Variants in TFEB observed in about 807,000 individuals in gnomAD.
TFEB encodes transcription factor EB.
A neutral mutation model predicts 48.0 loss-of-function variants in TFEB; 12 were observed. The observed-to-expected ratio is 0.25, with a 90% CI of 0.16 to 0.40. TFEB has a LOEUF of 0.40. Ranked by LOEUF, TFEB falls within the 10% of genes least tolerant of loss-of-function variation. The pLI, the probability that TFEB is intolerant of heterozygous loss-of-function variation, is 1.00. For synonymous variants in TFEB, 244 were observed against 261.4 expected (o/e 0.93, Z 0.64); for missense variants, 509 against 640.3 (o/e 0.79, Z 2.21).
intron 1 of TFEB, among the ~76,000 whole-genome samples, chr6:41,716,873 C>T (rs1361412738): frequency 2.0e-5 from 3 of 152,196 alleles, no homozygotes; most frequent in Admixed American, 2.0e-4. Flanking sequence ...ACTCAGAGTC[C>T]CCCACAGCTA....
At chr6:41,699,290 C>A (rs1259004309) in intron 1 of TFEB, among the ~76,000 whole-genome samples, 1 of 152,216 alleles carries the variant, frequency 6.6e-6, no homozygotes, top group African/African-American at 2.4e-5. Flanking sequence ...AGTGTTGCTC[C>A]GTCCAGGCCC....
upstream of TFEB, among the ~76,000 whole-genome samples, chr6:41,735,769 TCTTGA>T (rs1168864965): frequency 6.6e-6 from 1 of 152,222 alleles, no homozygotes; most frequent in Non-Finnish European, 1.5e-5. Flanking sequence ...GGAAAGAGGC[TCTTGA>T]CTTGGAACCT....
At chr6:41,733,654 G>A (rs1476044095) in intron 1 of TFEB, 2 of 985,366 alleles carry the variant, frequency 2.0e-6, no homozygotes, top group African/African-American at 3.5e-5. Flanking sequence ...CCGGCATGGT[G>A]AAAGCATACC....
At chr6:41,690,972 G>A in intron 2 of TFEB, 29 bp downstream of exon 2, 1 of 1,568,998 alleles carries the variant, frequency 6.4e-7, no homozygotes, top group Non-Finnish European at 8.7e-7. Context: ...GTGGGGACAG[G>A]GTGGGGGGCA....
At chr6:41,722,784 T>C (rs1056852976) in intron 1 of TFEB, among the ~76,000 whole-genome samples, 9 of 152,200 alleles carry the variant, frequency 5.9e-5, no homozygotes, top group African/African-American at 2.2e-4. Flanking sequence ...TTTTTTGCCA[T>C]CTGCACACAA....
In TFEB at chr6:41,723,391, G is replaced by A. The variant is rs1771065177; in HGVS notation, c.-23+11959C>T. On this transcript the variant is annotated intron_variant, in intron 1 of 8. Transcript: ENST00000373033. The surrounding 1 kb of genome is among the most constrained non-coding windows in gnomAD (Gnocchi z 6.0). ...CAGATGCACACAGGCTAACACACAT[G>A]GACACACATTCACACACATGCTCAC... 6.1e-6 allele frequency: 6 copies of A among 990,554 alleles called. No individual in the cohort carries two copies. The highest frequency in any genetic ancestry group is 2.3e-5 in the Admixed American group (1 of 43,010). The allele number at this position is 990,554 out of a possible 1,614,324, so 61.4% of individuals were successfully genotyped here.
intron 1 of TFEB, among the ~76,000 whole-genome samples, chr6:41,727,316 GGA>G (rs968752910): frequency 6.6e-6 from 1 of 152,182 alleles, no homozygotes; most frequent in Non-Finnish European, 1.5e-5. Context: ...ACAAAGAGCA[GGA>G]GAGAGAGAGA....
rs113146438 is a variant in TFEB at position 41,710,856 on chromosome 6, C to T, written c.-22-19621G>A. Among the ~76,000 whole-genome samples the T allele has an allele frequency of 3.7e-4, 56 of 152,278 alleles. 1 individual carries two copies. The highest frequency in any genetic ancestry group is 1.3e-3 in the African/African-American group (52 of 41,546). On this transcript the variant is annotated intron_variant, in intron 1 of 8. Coordinates refer to ENST00000373033, the MANE Select transcript of TFEB (RefSeq NM_001271944.2). ...AGCCCTGCTCCAGGGTCTCCTCCTCCTCCCGACAGCACACCCTGACTTCAC... is the reference window on the plus strand; with the variant it reads ...AGCCCTGCTCCAGGGTCTCCTCCTCTTCCCGACAGCACACCCTGACTTCAC...
intron 1 of TFEB, among the ~76,000 whole-genome samples, chr6:41,701,613 T>C (rs1769928567): frequency 6.6e-6 from 1 of 152,156 alleles, no homozygotes. Flanking sequence ...CTTGATGGGA[T>C]AAACAGCAAC....
At chr6:41,703,523 G>A (rs754015771) in intron 1 of TFEB, among the ~76,000 whole-genome samples, 3 of 152,200 alleles carry the variant, frequency 2.0e-5, no homozygotes, top group Non-Finnish European at 2.9e-5. Flanking sequence ...TGTAAAGAAC[G>A]ATTCCCTGGC....
chr6:41,713,788 A>G (rs1003080697), intron 1 of TFEB, among the ~76,000 whole-genome samples: 1 of 152,196 alleles, frequency 6.6e-6, no homozygotes, highest in African/African-American at 2.4e-5. Context: ...GGCTGGCTAG[A>G]CATGTGGCAC....
At chr6:41,707,201 C>T (rs1024951984) in intron 1 of TFEB, among the ~76,000 whole-genome samples, 1 of 152,204 alleles carries the variant, frequency 6.6e-6, no homozygotes, top group Non-Finnish European at 1.5e-5. Flanking sequence ...AACCAATCCT[C>T]TCTGTTCTCC....
Position 41,723,654 on chromosome 6 carries a change from G to T in TFEB, c.-23+11696C>A. 1.3e-6 allele frequency: 1 copy of T among 756,046 alleles called. No individual in the cohort carries two copies. The highest frequency in any genetic ancestry group is 1.9e-6 in the Non-Finnish European group (1 of 538,834). 46.8% of individuals were successfully genotyped at this position (756,046 alleles called of 1,614,324 possible). On this transcript the variant is annotated intron_variant, in intron 1 of 8. Coordinates refer to ENST00000373033, the MANE Select transcript of TFEB (RefSeq NM_001271944.2). This position sits in a 1 kb window ranked among gnomAD's most constrained non-coding sequence, Gnocchi z 6.0. Reference sequence around the variant, plus strand: ...ACAATCCCCTGGGAGCTGCAAATGCGGCCGAGGATTACTCACAGCACAGAG... The same window carrying T: ...ACAATCCCCTGGGAGCTGCAAATGCTGCCGAGGATTACTCACAGCACAGAG...
intron 1 of TFEB, among the ~76,000 whole-genome samples, chr6:41,706,129 G>A (rs556253116): frequency 6.6e-6 from 1 of 152,332 alleles, no homozygotes; most frequent in South Asian, 2.1e-4. Context: ...GCCAGGGAGA[G>A]GGGCCTAGCA....
intron 1 of TFEB, among the ~76,000 whole-genome samples, chr6:41,713,298 G>A (rs34880700): frequency 0.11 from 16,143 of 152,214 alleles, 1,113 homozygotes; most frequent in Admixed American, 0.19. Context: ...ATGGCGAGGC[G>A]GGTGGTGGGC....
intron 4 of TFEB, chr6:41,688,289 G>A (rs1769121294): frequency 2.3e-6 from 1 of 426,096 alleles, no homozygotes; most frequent in East Asian, 3.4e-5. Context: ...ATAGGATTAG[G>A]CCCCAGGCAT....
At position 41,733,416 on chromosome 6, in the gene TFEB, C is replaced by T. The variant is rs545514545; in HGVS notation, c.-23+1934G>A. 18 of 184,572 alleles carry T rather than the reference C, an allele frequency of 9.8e-5. No individual in the cohort carries two copies. In the Admixed American group the frequency reaches 9.8e-4, roughly 10 times the overall value. The allele number at this position is 184,572 out of a possible 1,614,324, so 11.4% of individuals were successfully genotyped here. Reference sequence around the variant, plus strand: ...AGATACCTGGGTCCCCATTTGGCTCCGTCTCCCAGAGCTGAGTTGAGGACA... The same window carrying T: ...AGATACCTGGGTCCCCATTTGGCTCTGTCTCCCAGAGCTGAGTTGAGGACA... On this transcript the variant is annotated intron_variant, in intron 1 of 8. Transcript: ENST00000373033.
At chr6:41,703,924 T>C (rs531498599) in intron 1 of TFEB, among the ~76,000 whole-genome samples, 1 of 152,292 alleles carries the variant, frequency 6.6e-6, no homozygotes, top group Admixed American at 6.5e-5. Flanking sequence ...AGTTGGTAGG[T>C]AGCAGAACTG....
intron 1 of TFEB, among the ~76,000 whole-genome samples, chr6:41,701,660 G>T (rs929501094): frequency 5.9e-5 from 9 of 152,204 alleles, no homozygotes. Context: ...GAAAGGTTAA[G>T]TAGGCCAGGC....
Sources: allele counts gnomAD v4.1 joint callset (sites outside exome capture counted in the v4.1 genomes callset), GRCh38; gene constraint gnomAD v4.1.1; non-coding constraint Gnocchi (gnomAD v3.1); transcripts MANE v1.5; gene names NCBI Gene and HGNC (gene_info 2026-07-23, HGNC 2026-07-21).